CTNND2: variants seen among roughly 807,000 people sequenced by gnomAD.
CTNND2 encodes the protein catenin delta 2.
In CTNND2, 22 loss-of-function variants were observed where a neutral mutation model predicts 144.4. That is an observed-to-expected ratio of 0.15 (90% confidence interval 0.11 to 0.22). CTNND2 has a LOEUF of 0.22. Among genes scored for constraint, CTNND2 ranks in the 10% least tolerant of loss-of-function variants. The pLI, the probability that CTNND2 is intolerant of heterozygous loss-of-function variation, is 1.00. For missense variants in CTNND2, 1,353 were observed against 1,618.8 expected (o/e 0.84, Z 2.82); for synonymous variants, 751 against 695.6 (o/e 1.08, Z -1.25).
intron 3 of CTNND2, among the ~76,000 whole-genome samples, chr5:11,444,998 G>T (rs923787725): frequency 6.6e-6 from 1 of 152,172 alleles, no homozygotes; most frequent in Non-Finnish European, 1.5e-5. Flanking sequence ...AGAGGAAACT[G>T]CCTCAGTTTC....
At chr5:11,343,229 T>C (rs1754442674) in intron 9 of CTNND2, among the ~76,000 whole-genome samples, 1 of 152,210 alleles carries the variant, frequency 6.6e-6, no homozygotes, top group Admixed American at 6.5e-5. Flanking sequence ...AAAGTCAATA[T>C]GGCTTCTCTG....
intron 9 of CTNND2, among the ~76,000 whole-genome samples, chr5:11,291,620 T>C (rs1010297560): frequency 7.9e-5 from 12 of 152,126 alleles, no homozygotes; most frequent in African/African-American, 2.4e-4. Context: ...ACTCTGGTCC[T>C]TTCTCTCTGG....
At chr5:11,158,894 C>T (rs544360504) in intron 12 of CTNND2, among the ~76,000 whole-genome samples, 1 of 152,154 alleles carries the variant, frequency 6.6e-6, no homozygotes, top group Non-Finnish European at 1.5e-5. Flanking sequence ...AGCACAGTTT[C>T]TAGAGTTTAG....
intron 17 of CTNND2, among the ~76,000 whole-genome samples, chr5:11,020,831 C>CCCTAACCCTAACCCTA (rs1561183161): frequency 1.3e-5 from 2 of 152,204 alleles, no homozygotes; most frequent in Admixed American, 6.5e-5. Flanking sequence ...TCCAATTTAA[C>CCCTAACCCTAACCCTA]ACTTCTTATT....
At chr5:11,213,770 G>A (rs569863663) in intron 10 of CTNND2, among the ~76,000 whole-genome samples, 1 of 152,246 alleles carries the variant, frequency 6.6e-6, no homozygotes, top group African/African-American at 2.4e-5. Context: ...CTAGCAGTTT[G>A]GGGGTTAGTA....
intron 3 of CTNND2, among the ~76,000 whole-genome samples, chr5:11,550,356 A>T (rs75628792): frequency 0.023 from 3,496 of 152,336 alleles, 126 homozygotes; most frequent in African/African-American, 0.08. Flanking sequence ...CAAGCAATAC[A>T]TGAGTCCAAA....
intron 3 of CTNND2, among the ~76,000 whole-genome samples, chr5:11,457,408 A>G (rs1765828113): frequency 6.6e-6 from 1 of 152,218 alleles, no homozygotes; most frequent in Non-Finnish European, 1.5e-5. Context: ...AATATTAATT[A>G]TTAAATTTCC....
chr5:11,126,000 T>C (rs762021139), intron 12 of CTNND2, among the ~76,000 whole-genome samples: 1 of 152,320 alleles, frequency 6.6e-6, no homozygotes, highest in African/African-American at 2.4e-5. Context: ...ACTTTTGGTA[T>C]CTCATGGTAT....
intron 2 of CTNND2, among the ~76,000 whole-genome samples, chr5:11,690,742 CAAAAAAAAAAAAAAAA>C (rs58799389): frequency 2.2e-4 from 8 of 36,560 alleles, no homozygotes; most frequent in Admixed American, 5.7e-4. Context: ...GACTCCGTCT[CAAAAAAAAAAAAAAAA>C]AAAAAAAAAA....
At chr5:11,376,037 C>T (rs180851012) in intron 7 of CTNND2, among the ~76,000 whole-genome samples, 63 of 152,180 alleles carry the variant, frequency 4.1e-4, no homozygotes, top group Admixed American at 1.0e-3. Context: ...AGTGCCCTTA[C>T]ACCCGAGAGA....
chr5:11,361,506 A>G (rs948147394), intron 8 of CTNND2, among the ~76,000 whole-genome samples: 2 of 152,170 alleles, frequency 1.3e-5, no homozygotes, highest in Admixed American at 6.5e-5. Context: ...ACCTTCGCAT[A>G]TTACTCAACA....
intron 7 of CTNND2, among the ~76,000 whole-genome samples, chr5:11,379,424 T>C (rs1758264551): frequency 6.6e-6 from 1 of 152,148 alleles, no homozygotes; most frequent in African/African-American, 2.4e-5. Flanking sequence ...TCTAGATGAG[T>C]AGCTTTGGGC....
chr5:11,894,871 A>T (rs775492285), intron 1 of CTNND2, among the ~76,000 whole-genome samples: 1 of 152,196 alleles, frequency 6.6e-6, no homozygotes, highest in African/African-American at 2.4e-5. Context: ...ACCTTGGTTC[A>T]GAAACCATTT....
At chr5:11,572,162 A>G (rs1777614092) in intron 2 of CTNND2, among the ~76,000 whole-genome samples, 1 of 152,140 alleles carries the variant, frequency 6.6e-6, no homozygotes, top group Admixed American at 6.5e-5. Flanking sequence ...GAGTGAATCT[A>G]AAACGCCCCA....
At chr5:11,419,027 T>TATATATAGATATATAG (rs1286249150) in intron 3 of CTNND2, among the ~76,000 whole-genome samples, 13 of 140,772 alleles carry the variant, frequency 9.2e-5, no homozygotes, top group African/African-American at 2.8e-4. Flanking sequence ...GATGTCTATC[T>TATATATAGATATATAG]ATATATAGAT....
intron 1 of CTNND2, among the ~76,000 whole-genome samples, chr5:11,774,610 C>CA (rs1790150030): frequency 6.6e-6 from 1 of 150,622 alleles, no homozygotes; most frequent in African/African-American, 2.4e-5. Context: ...GTTGGTATGC[C>CA]AGCCATGCTG....
chr5:11,240,918 C>G (rs1373767682), intron 9 of CTNND2, among the ~76,000 whole-genome samples: 1 of 145,018 alleles, frequency 6.9e-6, no homozygotes, highest in Non-Finnish European at 1.5e-5. Context: ...GCACACACAT[C>G]CCCAACACAC....
intron 18 of CTNND2, among the ~76,000 whole-genome samples, chr5:11,007,952 T>C (rs60102216): frequency 0.085 from 12,926 of 152,188 alleles, 1,843 homozygotes; most frequent in African/African-American, 0.29. Context: ...AGTATTTACA[T>C]TCTTGTCTCT....
chr5:11,449,943 A>G lies in CTNND2; in HGVS notation c.288-37874T>C, dbSNP rs143660622. ...TCAGTCCAAGGAATTCATCATCTGT[A>G]CAGTTGCTAGACACTGTGATCTGTT... On this transcript the variant is annotated intron_variant, in intron 3 of 21. Transcript: ENST00000304623. 4.6e-4 allele frequency among the ~76,000 whole-genome samples: 70 copies of G among 152,350 alleles called. No homozygotes were observed. In the East Asian group the frequency reaches 9.1e-3, roughly 20 times the overall value.
Sources: gnomAD v4.1 joint callset for allele counts (sites outside exome capture counted in the v4.1 genomes callset) on GRCh38, gnomAD v4.1.1 for gene constraint, MANE v1.5 for transcripts, NCBI Gene and HGNC (gene_info 2026-07-23, HGNC 2026-07-21) for gene names.